UVRAG: variants seen among roughly 807,000 people sequenced by gnomAD.
The protein encoded by UVRAG is UV radiation resistance associated.
A neutral mutation model predicts 78.0 loss-of-function variants in UVRAG; 19 were observed. The observed-to-expected ratio is 0.24, with a 90% confidence interval of 0.17 to 0.36. The LOEUF is 0.36. Among genes scored for constraint, UVRAG ranks in the 10% least tolerant of loss-of-function variants. The pLI, the probability that UVRAG is intolerant of heterozygous loss-of-function variation, is 1.00. For missense variants in UVRAG, 740 were observed against 853.8 expected, an observed-to-expected ratio of 0.87 and a Z score of 1.66; for synonymous variants, 323 against 324.6, an observed-to-expected ratio of 1.00 and a Z score of 0.05.
chr11:75,866,226 A>G (rs1231390588), intron 3 of UVRAG, among the ~76,000 whole-genome samples: 1 of 151,002 alleles, frequency 6.6e-6, no homozygotes, highest in Non-Finnish European at 1.5e-5. Flanking sequence ...CAAAGGAAAA[A>G]CAAATTACTT....
intron 6 of UVRAG, chr11:75,914,315 C>T (rs1403832130): frequency 6.6e-6 from 1 of 152,122 alleles, no homozygotes; most frequent in Non-Finnish European, 1.5e-5. Context: ...TAACATTGTC[C>T]TTGGCTGGAG....
chr11:75,962,302 C>T (rs1402760499), intron 7 of UVRAG, among the ~76,000 whole-genome samples: 3 of 152,058 alleles, frequency 2.0e-5, no homozygotes, highest in East Asian at 1.9e-4. Flanking sequence ...CAGCATCTTC[C>T]TATTGTCATT....
At chr11:75,916,061 A>G (rs966877595) in intron 6 of UVRAG, 3 of 152,198 alleles carry the variant, frequency 2.0e-5, no homozygotes, top group South Asian at 2.1e-4. Context: ...TAACTCTGTT[A>G]TAGTAAGAAA....
At chr11:75,844,221 C>G (rs181858296) in intron 1 of UVRAG, among the ~76,000 whole-genome samples, 20 of 151,862 alleles carry the variant, frequency 1.3e-4, no homozygotes, top group African/African-American at 4.8e-4. Flanking sequence ...AAGCAGATTT[C>G]TTTTTCTTTT....
intron 10 of UVRAG, 74 bp downstream of exon 10, chr11:76,007,695 A>G: frequency 8.6e-7 from 1 of 1,166,080 alleles, no homozygotes; most frequent in African/African-American, 1.5e-5. Context: ...CTCTCAATGA[A>G]AAAACTCATT....
rs141077139 is a variant in UVRAG at position 75,890,920 on chromosome 11, T to TTTG, written c.507+2038_507+2040dup. Among the ~76,000 whole-genome samples, 270 of 151,054 alleles carry TTTG rather than the reference T, an allele frequency of 1.8e-3. 1 individual carries two copies. The highest frequency in any genetic ancestry group is 3.4e-3 in the Middle Eastern group (1 of 294). On this transcript the variant is annotated intron_variant, in intron 5 of 14. Transcript: ENST00000356136. The stretch of plus-strand genomic sequence containing the variant: ...CTCAAAGTCCAGAGAAAGAAAGGGT[T>TTTG]TTGTTGTTGTTGTTGTTGTTGTTAT...
At chr11:76,050,417 A>C (rs1454903196) in intron 12 of UVRAG, among the ~76,000 whole-genome samples, 1 of 152,200 alleles carries the variant, frequency 6.6e-6, no homozygotes, top group East Asian at 1.9e-4. Context: ...TCATTTGCAG[A>C]TATTTGTTGA....
chr11:76,078,461 T>A (rs1951439387), intron 13 of UVRAG, among the ~76,000 whole-genome samples: 1 of 151,964 alleles, frequency 6.6e-6, no homozygotes, highest in African/African-American at 2.4e-5. Context: ...TAAAAATATA[T>A]ATATTATAAA....
At chr11:75,878,149 C>A (rs1224967563) in intron 3 of UVRAG, among the ~76,000 whole-genome samples, 2 of 149,296 alleles carry the variant, frequency 1.3e-5, no homozygotes, top group Non-Finnish European at 3.0e-5. Flanking sequence ...TCAGATGGGG[C>A]GGCTGGGCAG....
At chr11:76,075,478 T>C (rs1277536082) in intron 13 of UVRAG, among the ~76,000 whole-genome samples, 1 of 151,822 alleles carries the variant, frequency 6.6e-6, no homozygotes, top group East Asian at 1.9e-4. Context: ...CCGGGCAGGG[T>C]TGCAGTCGCC....
intron 13 of UVRAG, among the ~76,000 whole-genome samples, chr11:76,082,539 C>CAA (rs5792708): frequency 0.067 from 6,689 of 100,256 alleles, 407 homozygotes; most frequent in East Asian, 0.16. Context: ...GACTCCGTCC[C>CAA]AAAAAAAAAA....
chr11:75,821,956 T>C (rs1415229173), intron 1 of UVRAG, among the ~76,000 whole-genome samples: 1 of 151,028 alleles, frequency 6.6e-6, no homozygotes, highest in African/African-American at 2.4e-5. Flanking sequence ...TTTTTTTTTT[T>C]TTTTTGAGAC....
chr11:75,974,613 G>A (rs192262337), intron 7 of UVRAG, among the ~76,000 whole-genome samples: 11,396 of 151,766 alleles, frequency 0.075, 749 homozygotes, highest in African/African-American at 0.2. Context: ...CGATCCACCC[G>A]CCTCGGCCTC....
chr11:75,918,210 C>CAAAAA (rs67178910), intron 6 of UVRAG, among the ~76,000 whole-genome samples: 1 of 55,564 alleles, frequency 1.8e-5, no homozygotes, highest in African/African-American at 5.0e-5. Context: ...ACTAAAAATA[C>CAAAAA]AAAAAAAAAA....
intron 12 of UVRAG, among the ~76,000 whole-genome samples, chr11:76,022,307 G>T (rs1346241905): frequency 6.6e-6 from 1 of 152,122 alleles, no homozygotes; most frequent in East Asian, 1.9e-4. Context: ...GATCTAGTTG[G>T]TTTATGATGT....
chr11:76,139,868 C>T (rs192910602), intron 14 of UVRAG, among the ~76,000 whole-genome samples: 279 of 151,882 alleles, frequency 1.8e-3, no homozygotes, highest in Non-Finnish European at 3.4e-3. Context: ...TTATTGCTGG[C>T]CCAAAGATAC....
At chr11:75,945,134 G>C (rs544145774) in intron 6 of UVRAG, among the ~76,000 whole-genome samples, 1 of 152,068 alleles carries the variant, frequency 6.6e-6, no homozygotes, top group Non-Finnish European at 1.5e-5. Context: ...AATAAATATT[G>C]CATAGCATCT....
intron 1 of UVRAG, among the ~76,000 whole-genome samples, chr11:75,842,375 A>G (rs75440635): frequency 9.6e-4 from 146 of 152,002 alleles, no homozygotes; most frequent in African/African-American, 3.5e-3. Flanking sequence ...GTGTGATTAT[A>G]CATCTTTTCA....
At chr11:76,041,475 G>T (rs147785946) in intron 12 of UVRAG, among the ~76,000 whole-genome samples, 258 of 152,362 alleles carry the variant, frequency 1.7e-3, no homozygotes, top group African/African-American at 5.9e-3. Flanking sequence ...AGGGCCAGCA[G>T]CTGGGAAGAA....
Sources: gnomAD v4.1 joint callset for allele counts (sites outside exome capture counted in the v4.1 genomes callset) on GRCh38, gnomAD v4.1.1 for gene constraint, MANE v1.5 for transcripts, NCBI Gene and HGNC (gene_info 2026-07-23, HGNC 2026-07-21) for gene names.